ZNF182: variants seen among roughly 807,000 people sequenced by gnomAD.
The protein encoded by ZNF182 is zinc finger protein 21 (KOX 14).
A neutral mutation model predicts 28.1 loss-of-function variants in ZNF182; 10 were observed. The observed-to-expected ratio is 0.36, with a 90% CI of 0.22 to 0.60. The LOEUF (loss-of-function observed/expected upper bound fraction) is 0.60. Among genes scored for constraint, ZNF182 ranks in the 20% least tolerant of loss-of-function variants. ZNF182 has a pLI of 0.75. For missense variants in ZNF182, 352 were observed against 453.2 expected, an observed-to-expected ratio of 0.78 and a Z score of 2.03; for synonymous variants, 156 against 158.7, an observed-to-expected ratio of 0.98 and a Z score of 0.13.
intron 5 of ZNF182, among the ~76,000 whole-genome samples, chrX:47,979,621 A>G (rs1184560686): frequency 8.9e-6 from 1 of 111,883 alleles, no homozygotes; most frequent in African/African-American, 3.3e-5. Flanking sequence ...ACTTTAAATC[A>G]TTTACCACCA....
rs782577214 is a variant in ZNF182, at chrX:48,002,552, C to T, written c.15+43G>A. 7.5e-6 allele frequency: 9 copies of T among 1,203,986 alleles called. No individual in the cohort carries two copies. In the African/African-American group the frequency reaches 1.4e-4, roughly 19 times the overall value. Reference sequence around the variant, plus strand: ...GGGATTTCCACATATTTCGTCACATCCACAGTAAAATAGAGGAATGAAGAA... The same window carrying T: ...GGGATTTCCACATATTTCGTCACATTCACAGTAAAATAGAGGAATGAAGAA... On this transcript the variant is annotated intron_variant, in intron 3 of 5. Coordinates refer to ENST00000376943, the MANE Select transcript of ZNF182 (RefSeq NM_001007088.2).
chrX:47,977,410 C>T lies in ZNF182; in HGVS notation c.620G>A (p.Arg207Lys). Residue 207 changes from arginine to lysine, a missense_variant, in exon 6 of 6, where the codon AGA (arginine) becomes AAA (lysine). Transcript: ENST00000376943. ...AAAGGGTTTCTCTCCATTTTTAATT[C>T]TCTGATGTAGACTAAGGCCTTTCTT... ...RRKKGLSLHQ[R>K]IKNGEKPFEC... 1 of 1,207,769 alleles carries T rather than the reference C, an allele frequency of 8.3e-7. No individual in the cohort carries two copies. The highest frequency in any genetic ancestry group is 1.1e-6 in the Non-Finnish European group (1 of 894,444).
chrX:48,000,883 C>T (rs1214367246), intron 3 of ZNF182, among the ~76,000 whole-genome samples: 1 of 111,717 alleles, frequency 9.0e-6, no homozygotes, highest in Non-Finnish European at 1.9e-5. Flanking sequence ...CAAGAAAATC[C>T]AATTGAAAAA....
At chrX:47,990,681 A>C (rs1488619705) in intron 3 of ZNF182, among the ~76,000 whole-genome samples, 1 of 111,912 alleles carries the variant, frequency 8.9e-6, no homozygotes, top group Admixed American at 9.5e-5. Flanking sequence ...GAAAATGAGC[A>C]ATCATCCATC....
At chrX:47,986,960 T>C (rs1490485834) in intron 3 of ZNF182, among the ~76,000 whole-genome samples, 1 of 112,057 alleles carries the variant, frequency 8.9e-6, no homozygotes, top group Non-Finnish European at 1.9e-5. Flanking sequence ...TTGGCTTCCT[T>C]ATTTTTGAGG....
At chrX:47,984,097 C>T (rs1354842447) in intron 3 of ZNF182, among the ~76,000 whole-genome samples, 1 of 111,013 alleles carries the variant, frequency 9.0e-6, no homozygotes, top group African/African-American at 3.3e-5. Flanking sequence ...GAAACACACA[C>T]AAAAGAATGG....
At chrX:47,990,360 G>A (rs1051062137) in intron 3 of ZNF182, among the ~76,000 whole-genome samples, 1 of 110,735 alleles carries the variant, frequency 9.0e-6, no homozygotes, top group Non-Finnish European at 1.9e-5. Flanking sequence ...CCTCATTAGG[G>A]TCTGCACAGT....
At chrX:47,987,197 A>G (rs2058926201) in intron 3 of ZNF182, among the ~76,000 whole-genome samples, 1 of 112,231 alleles carries the variant, frequency 8.9e-6, no homozygotes, top group African/African-American at 3.2e-5. Flanking sequence ...TTTAGACCAA[A>G]CATACCAGCC....
chrX:47,980,200 G>A (rs541984052), intron 5 of ZNF182, among the ~76,000 whole-genome samples: 1 of 111,327 alleles, frequency 9.0e-6, no homozygotes, highest in South Asian at 3.8e-4. Flanking sequence ...GCCAGGCACA[G>A]AAAGACAAAT....
intron 5 of ZNF182, among the ~76,000 whole-genome samples, chrX:47,982,129 A>AT (rs1211518679): frequency 8.9e-6 from 1 of 112,388 alleles, no homozygotes; most frequent in Non-Finnish European, 1.9e-5. Context: ...ATGGAATTTT[A>AT]TTCCTCCATA....
intron 2 of ZNF182, among the ~76,000 whole-genome samples, 168 bp from the exon 3 acceptor site, chrX:48,002,821 A>C (rs1296921801): frequency 1.8e-5 from 2 of 112,505 alleles, no homozygotes; most frequent in African/African-American, 6.5e-5. Flanking sequence ...TTCACTCTTC[A>C]TGTGAACATT....
intron 3 of ZNF182, among the ~76,000 whole-genome samples, chrX:47,985,803 C>G (rs2058921451): frequency 9.0e-6 from 1 of 110,782 alleles, no homozygotes; most frequent in Non-Finnish European, 1.9e-5. Flanking sequence ...ATCTTAGTTC[C>G]AGAGGGAGGA....
intron 3 of ZNF182, among the ~76,000 whole-genome samples, chrX:47,983,830 C>T (rs1457905780): frequency 9.0e-6 from 1 of 111,494 alleles, no homozygotes; most frequent in Non-Finnish European, 1.9e-5. Context: ...ACAGGTAAAT[C>T]GTAAATCTAA....
chrX:48,002,538 A>C, intron 3 of ZNF182, 57 bp downstream of exon 3: 1 of 1,193,650 alleles, frequency 8.4e-7, no homozygotes, highest in Non-Finnish European at 1.1e-6. Context: ...GGATTTCCAC[A>C]TATTTCGTCA....
At chrX:47,990,023 G>A in intron 3 of ZNF182, among the ~76,000 whole-genome samples, 1 of 110,085 alleles carries the variant, frequency 9.1e-6, no homozygotes, top group South Asian at 3.9e-4. Flanking sequence ...GCTGATTATT[G>A]AGCCAGAGTA....
At position 47,977,384 on chromosome X, in the gene ZNF182, C is replaced by G. The variant is rs1556898405; in HGVS notation, c.646G>C (p.Glu216Gln). The change falls in exon 6 of 6, where the codon GAA becomes CAA. Residue 216 changes from glutamate to glutamine, a missense_variant. Transcript: ENST00000376943. ...QRIKNGEKPF[E>Q]CTACRKTFSK... ...AAGGTTTTCCTACATGCAGTACATT[C>G]AAAGGGTTTCTCTCCATTTTTAATT... is the stretch of plus-strand genomic sequence containing the variant. 3 of 1,206,990 alleles carry G rather than the reference C, an allele frequency of 2.5e-6. No homozygotes were observed. The East Asian group carries it at 8.9e-5, about 36-fold the overall frequency.
chrX:48,002,544 C>T (rs781834013), intron 3 of ZNF182, 51 bp downstream of exon 3: 5 of 1,197,455 alleles, frequency 4.2e-6, no homozygotes, highest in Admixed American at 2.2e-5. Context: ...CCACATATTT[C>T]GTCACATCCA....
chrX:47,977,751 G>A lies in ZNF182; in HGVS notation c.279C>T (p.Asp93=), dbSNP rs1556898540. ...CTTGCATCAGCAGACATTTATCTTG[G>A]TCATCCTGATGTTGCCTCTCAATCT... The part of the protein sequence containing the change: ...DEQIERQHQD[D]QDKCLLMQVG... The change falls in exon 6 of 6, where the codon GAC becomes GAT. Residue 93 remains aspartate, a synonymous_variant. Transcript: ENST00000376943. 1 of 1,197,554 alleles carries A rather than the reference G, an allele frequency of 8.4e-7. No homozygotes were observed. Among genetic ancestry groups the A allele is most frequent in the Admixed American group, 2.2e-5 (1 of 44,665 alleles).
rs781920849 is a variant in ZNF182 at position 47,982,930 on chromosome X, G to A, written c.232+19C>T. The A allele has an allele frequency of 2.5e-6, 3 of 1,200,886 alleles. No individual in the cohort carries two copies. The South Asian group carries it at 5.3e-5, about 21-fold the overall frequency. On this transcript the variant is annotated intron_variant, in intron 5 of 5. Transcript: ENST00000376943. ...GTGGAACTTCATGTCCCCAGAGCCT[G>A]GGTCAAAATTCCACTTACCTGGAAA... is the stretch of plus-strand genomic sequence containing the variant.
Sources: allele counts gnomAD v4.1 joint callset (sites outside exome capture counted in the v4.1 genomes callset), GRCh38; gene constraint gnomAD v4.1.1; transcripts MANE v1.5; gene names NCBI Gene and HGNC (gene_info 2026-07-23, HGNC 2026-07-21).